TOX: variants seen among roughly 807,000 people sequenced by gnomAD.
TOX encodes the protein thymocyte selection associated high mobility group box.
In TOX, 11 loss-of-function variants were observed where a neutral mutation model predicts 53.7. The observed-to-expected ratio is 0.20, with a 90% CI of 0.13 to 0.34. The LOEUF (loss-of-function observed/expected upper bound fraction) is 0.34. Ranked by LOEUF, TOX falls within the 10% of genes least tolerant of loss-of-function variation. The pLI is 1.00. For missense variants in TOX, 570 were observed against 664.6 expected (o/e 0.86, Z 1.56); for synonymous variants, 225 against 245.3 (o/e 0.92, Z 0.77).
chr8:58,949,691 A>G (rs1812587182), intron 2 of TOX, among the ~76,000 whole-genome samples: 1 of 152,108 alleles, frequency 6.6e-6, no homozygotes. Context: ...GCAGCCTTTA[A>G]GTTTTAATAA....
intron 3 of TOX, among the ~76,000 whole-genome samples, chr8:58,865,239 A>G (rs1015542112): frequency 6.6e-6 from 1 of 152,172 alleles, no homozygotes; most frequent in African/African-American, 2.4e-5. Context: ...TATGTTGATT[A>G]TAATGACTCT....
intron 1 of TOX, among the ~76,000 whole-genome samples, chr8:59,060,366 G>A (rs550339765): frequency 1.3e-5 from 2 of 152,280 alleles, no homozygotes; most frequent in South Asian, 2.1e-4. Context: ...AGTGGCTCAC[G>A]CCCGTAATCC....
intron 1 of TOX, among the ~76,000 whole-genome samples, chr8:59,115,674 A>C (rs2129425240): frequency 6.6e-6 from 1 of 152,276 alleles, no homozygotes; most frequent in South Asian, 2.1e-4. Flanking sequence ...TCCAGCCTCC[A>C]TGTGTCTGTC....
At chr8:58,983,443 C>T (rs1813239118) in intron 1 of TOX, among the ~76,000 whole-genome samples, 1 of 152,190 alleles carries the variant, frequency 6.6e-6, no homozygotes, top group African/African-American at 2.4e-5. Flanking sequence ...GGCTCAAATC[C>T]ATGTTCTACC....
At chr8:58,883,420 A>T (rs1811415819) in intron 3 of TOX, among the ~76,000 whole-genome samples, 1 of 152,228 alleles carries the variant, frequency 6.6e-6, no homozygotes, top group South Asian at 2.1e-4. Flanking sequence ...TATACATTCA[A>T]ATCAACTGAT....
At chr8:58,938,961 A>T (rs1267520262) in intron 3 of TOX, among the ~76,000 whole-genome samples, 1 of 152,140 alleles carries the variant, frequency 6.6e-6, no homozygotes, top group Non-Finnish European at 1.5e-5. Flanking sequence ...TTTGGGGAGG[A>T]ATCCTCCACT....
intron 3 of TOX, among the ~76,000 whole-genome samples, chr8:58,924,781 T>A (rs1812126731): frequency 6.6e-6 from 1 of 152,266 alleles, no homozygotes; most frequent in South Asian, 2.1e-4. Context: ...CTCAACATTT[T>A]GATAGATTGC....
At chr8:59,070,056 T>C (rs1804166205) in intron 1 of TOX, among the ~76,000 whole-genome samples, 1 of 152,240 alleles carries the variant, frequency 6.6e-6, no homozygotes, top group Non-Finnish European at 1.5e-5. Context: ...GGAAGAGACA[T>C]GCAACAATTG....
At chr8:59,069,987 T>A (rs1804165283) in intron 1 of TOX, among the ~76,000 whole-genome samples, 1 of 152,202 alleles carries the variant, frequency 6.6e-6, no homozygotes, top group Admixed American at 6.5e-5. Context: ...GGGAAAGCGA[T>A]GAAGACAGAA....
chr8:58,998,529 A>AAATT (rs1242406325), intron 1 of TOX, among the ~76,000 whole-genome samples: 1,941 of 15,216 alleles, frequency 0.13, 28 homozygotes, highest in Admixed American at 0.2. Context: ...ATATATATAT[A>AAATT]TATATATATA....
At chr8:58,893,935 A>G (rs1811599899) in intron 3 of TOX, among the ~76,000 whole-genome samples, 2 of 152,348 alleles carry the variant, frequency 1.3e-5, no homozygotes, top group South Asian at 4.1e-4. Flanking sequence ...ACAGGAAGGC[A>G]TTCACTTCCA....
intron 1 of TOX, among the ~76,000 whole-genome samples, chr8:59,097,355 T>A (rs757383096): frequency 4.6e-5 from 7 of 151,858 alleles, no homozygotes; most frequent in African/African-American, 9.7e-5. Flanking sequence ...GCCACCGGAG[T>A]GAGGTTTTCA....
At chr8:58,946,087 T>G (rs907416397) in intron 2 of TOX, among the ~76,000 whole-genome samples, 8 of 151,546 alleles carry the variant, frequency 5.3e-5, no homozygotes, top group Admixed American at 2.6e-4. Context: ...ATTTGAAAGA[T>G]AAATAAATAG....
chr8:59,067,261 AAAT>A (rs1196236844), intron 1 of TOX, among the ~76,000 whole-genome samples: 1 of 152,212 alleles, frequency 6.6e-6, no homozygotes, highest in Non-Finnish European at 1.5e-5. Context: ...TTTAAAATTA[AAAT>A]AATAACTGGC....
intron 1 of TOX, among the ~76,000 whole-genome samples, chr8:59,102,048 T>C (rs1457853090): frequency 1.3e-5 from 2 of 152,204 alleles, no homozygotes; most frequent in African/African-American, 4.8e-5. Flanking sequence ...TTCATGCTGC[T>C]GATAAAGACA....
chr8:58,881,856 C>T lies in TOX; in HGVS notation c.412-30051G>A, dbSNP rs549935032. 1.3e-4 allele frequency among the ~76,000 whole-genome samples: 20 copies of T among 151,956 alleles called. No individual in the cohort carries two copies. In the South Asian group the frequency reaches 4.2e-3, roughly 32 times the overall value. On this transcript the variant is annotated intron_variant, in intron 3 of 8. Coordinates refer to ENST00000361421, the MANE Select transcript of TOX (RefSeq NM_014729.3). ...GTCATTATCATGAAATGTGATTACA[C>T]ATCATCTCAAACTACCCTGTAAGAT...
At chr8:59,090,348 G>A (rs1396398201) in intron 1 of TOX, among the ~76,000 whole-genome samples, 2 of 152,058 alleles carry the variant, frequency 1.3e-5, no homozygotes, top group Non-Finnish European at 2.9e-5. Context: ...TTAAATCTAA[G>A]AGCCCTTTGG....
At chr8:59,008,431 C>T (rs569625546) in intron 1 of TOX, among the ~76,000 whole-genome samples, 12 of 152,332 alleles carry the variant, frequency 7.9e-5, no homozygotes, top group East Asian at 3.9e-4. Context: ...TCACTCAAAC[C>T]GAGCCCTGTG....
At chr8:59,009,225 C>G (rs756862348) in intron 1 of TOX, among the ~76,000 whole-genome samples, 24 of 149,176 alleles carry the variant, frequency 1.6e-4, no homozygotes, top group Non-Finnish European at 2.4e-4. Context: ...TTTCTCCTTT[C>G]TTTCTTGATG....
Sources: allele counts gnomAD v4.1 joint callset (sites outside exome capture counted in the v4.1 genomes callset), GRCh38; gene constraint gnomAD v4.1.1; transcripts MANE v1.5; gene names NCBI Gene and HGNC (gene_info 2026-07-23, HGNC 2026-07-21).